Variants in ROBO2 observed in about 807,000 individuals in gnomAD.
ROBO2 encodes roundabout guidance receptor 2, also known as roundabout homolog 2.
A neutral mutation model predicts 160.8 loss-of-function variants in ROBO2; 53 were observed. The ratio of observed to expected loss-of-function variants is 0.33; its 90% CI spans 0.26 to 0.41. ROBO2 has a LOEUF of 0.41. ROBO2 is among the 10% of genes least tolerant of loss of function. The probability of loss-of-function intolerance (pLI) is 1.00; values close to 1 mark genes in which losing one functional copy is unlikely to be tolerated. For missense variants in ROBO2, 1,577 were observed against 1,722.4 expected (o/e 0.92, Z 1.49); for synonymous variants, 664 against 611.7 (o/e 1.09, Z -1.26).
chr3:76,061,843 C>G (rs867376402), intron 2 of ROBO2, among the ~76,000 whole-genome samples: 1 of 152,048 alleles, frequency 6.6e-6, no homozygotes, highest in African/African-American at 2.4e-5. Context: ...AGGCTCTAGA[C>G]GGTCCATTTC....
At chr3:76,416,725 G>T (rs1028720013) in intron 2 of ROBO2, among the ~76,000 whole-genome samples, 1 of 152,106 alleles carries the variant, frequency 6.6e-6, no homozygotes, top group Non-Finnish European at 1.5e-5. Context: ...GATTTGACAG[G>T]CTCTCTAGAC....
intron 2 of ROBO2, among the ~76,000 whole-genome samples, chr3:76,404,427 A>G (rs1337137804): frequency 6.6e-6 from 1 of 151,588 alleles, no homozygotes; most frequent in African/African-American, 2.4e-5. Flanking sequence ...TAGAGAAAAT[A>G]AAATGATTAT....
At position 76,062,530 on chromosome 3, in the gene ROBO2, C is replaced by G. The variant is rs574254645; in HGVS notation, c.109+124928C>G. Among the ~76,000 whole-genome samples the G allele has an allele frequency of 3.3e-5, 5 of 152,178 alleles. 1 individual carries two copies. The South Asian group carries it at 1.0e-3, about 32-fold the overall frequency. On this transcript the variant is annotated intron_variant, in intron 2 of 26. Transcript: ENST00000487694. ...CTCCTTCATTGATATGAAGTGAAGTCAATACTCAATCTTACCTGGCATTCT... is the reference window on the plus strand; with the variant it reads ...CTCCTTCATTGATATGAAGTGAAGTGAATACTCAATCTTACCTGGCATTCT...
At chr3:76,107,777 T>C (rs2108213380) in intron 2 of ROBO2, among the ~76,000 whole-genome samples, 1 of 152,268 alleles carries the variant, frequency 6.6e-6, no homozygotes, top group East Asian at 1.9e-4. Context: ...CGGTTTCTGT[T>C]ACAAAATGTT....
In ROBO2 at chr3:77,217,675, T is replaced by C. The variant is rs144509320; in HGVS notation, c.388+119335T>C. On this transcript the variant is annotated intron_variant, in intron 2 of 25. Coordinates refer to ENST00000461745, the Ensembl canonical transcript of ROBO2. ...ATTCAGCTGCAATTACAGTGATTAA[T>C]TGATCCAAACTTATTAGCATGACAC... 1.5e-3 allele frequency among the ~76,000 whole-genome samples: 236 copies of C among 152,348 alleles called. 3 individuals are homozygous for C. Among genetic ancestry groups the C allele is most frequent in the African/African-American group, 4.8e-3 (200 of 41,590 alleles).
rs537705677 is a variant in ROBO2, at chr3:76,271,969, C to CT, written c.109+334372dup. ...ATTCTAGTTCCCATTCTAGTTGTCTCTTTTTCTGATATGTATCATTTAAAA... is the reference window on the plus strand; with the variant it reads ...ATTCTAGTTCCCATTCTAGTTGTCTCTTTTTTCTGATATGTATCATTTAAAA... On this transcript the variant is annotated intron_variant, in intron 2 of 26. Coordinates refer to the ROBO2 transcript ENST00000487694. Among the ~76,000 whole-genome samples, 86 of 152,184 alleles carry CT rather than the reference C, an allele frequency of 5.7e-4. 1 individual carries two copies. The highest frequency in any genetic ancestry group is 5.2e-3 in the Admixed American group (79 of 15,260).
chr3:77,535,066 T>TA (rs2092003859), intron 6 of ROBO2, among the ~76,000 whole-genome samples: 1 of 152,206 alleles, frequency 6.6e-6, no homozygotes, highest in East Asian at 1.9e-4. Flanking sequence ...AAGAAGGCAC[T>TA]AATGAGCTAG....
intron 2 of ROBO2, among the ~76,000 whole-genome samples, chr3:77,264,476 C>T (rs2058994346): frequency 6.6e-6 from 1 of 152,088 alleles, no homozygotes; most frequent in Admixed American, 6.6e-5. Flanking sequence ...TAGTAATTTT[C>T]ATCCAAATTT....
At chr3:77,385,404 A>C (rs889202250) in intron 2 of ROBO2, among the ~76,000 whole-genome samples, 2 of 152,354 alleles carry the variant, frequency 1.3e-5, no homozygotes, top group Non-Finnish European at 2.9e-5. Context: ...AGTAATGTGC[A>C]GTTATTTTAA....
chr3:76,174,307 G>C (rs1393757576), intron 2 of ROBO2, among the ~76,000 whole-genome samples: 1 of 152,150 alleles, frequency 6.6e-6, no homozygotes, highest in Non-Finnish European at 1.5e-5. Flanking sequence ...CTCCCATTCT[G>C]TAGGTTGCCT....
intron 2 of ROBO2, among the ~76,000 whole-genome samples, chr3:76,279,350 T>C (rs746618712): frequency 6.6e-6 from 1 of 151,870 alleles, no homozygotes; most frequent in East Asian, 1.9e-4. Flanking sequence ...TTGCACCATG[T>C]TCTGAAAATA....
intron 1 of ROBO2, among the ~76,000 whole-genome samples, chr3:77,097,172 C>A (rs2071195641): frequency 6.6e-6 from 1 of 152,174 alleles, no homozygotes; most frequent in Admixed American, 6.5e-5. Flanking sequence ...CAGCTTCCTT[C>A]CTGATTATGA....
chr3:77,486,826 C>T (rs888346743), intron 4 of ROBO2, among the ~76,000 whole-genome samples: 2 of 152,002 alleles, frequency 1.3e-5, no homozygotes, highest in African/African-American at 4.8e-5. Flanking sequence ...CTTAGTTTCT[C>T]TTCCCCACCA....
intron 6 of ROBO2, among the ~76,000 whole-genome samples, chr3:77,528,716 C>T (rs1300255689): frequency 2.0e-5 from 3 of 151,438 alleles, no homozygotes; most frequent in African/African-American, 7.3e-5. Context: ...TGGTAGCTAT[C>T]GTATGCCTAG....
At chr3:75,985,391 G>A (rs1438359729) in intron 2 of ROBO2, among the ~76,000 whole-genome samples, 2 of 151,620 alleles carry the variant, frequency 1.3e-5, no homozygotes, top group East Asian at 3.9e-4. Context: ...AACCTGTAAA[G>A]CATGTTACTG....
intron 2 of ROBO2, among the ~76,000 whole-genome samples, chr3:76,228,460 TACAG>T (rs10565485): frequency 0.83 from 125,542 of 151,666 alleles, 53,053 homozygotes; most frequent in East Asian, 0.96. Flanking sequence ...AATAGCAAAT[TACAG>T]ACAGACAGTT....
At position 76,986,532 on chromosome 3, in the gene ROBO2, CA is replaced by C. The variant is rs1304436528; in HGVS notation, c.110-111481del. 8.5e-5 allele frequency among the ~76,000 whole-genome samples: 13 copies of C among 152,122 alleles called. No homozygotes were observed. In the South Asian group the frequency reaches 2.3e-3, roughly 27 times the overall value. ...ATTATAAATTAAAGTTCTTGACTTT[CA>C]GGGGGGAAAGTTATATTATTTTGTA... is the stretch of plus-strand genomic sequence containing the variant. On this transcript the variant is annotated intron_variant, in intron 2 of 26. Transcript: ENST00000487694.
intron 2 of ROBO2, among the ~76,000 whole-genome samples, chr3:76,355,832 G>T (rs764412847): frequency 6.6e-6 from 1 of 151,580 alleles, no homozygotes; most frequent in Non-Finnish European, 1.5e-5. Context: ...ATTATTCAGA[G>T]GTTTACTTTG....
chr3:77,390,331 G>A (rs953652907), intron 2 of ROBO2, among the ~76,000 whole-genome samples: 2 of 152,092 alleles, frequency 1.3e-5, no homozygotes, highest in Non-Finnish European at 2.9e-5. Flanking sequence ...TACACAGTTT[G>A]GCTGTGTCCC....
Sources: gnomAD v4.1 joint callset for allele counts (sites outside exome capture counted in the v4.1 genomes callset) on GRCh38, gnomAD v4.1.1 for gene constraint, MANE v1.5 for transcripts, NCBI Gene and HGNC (gene_info 2026-07-23, HGNC 2026-07-21) for gene names.